The following ZNF292 variants were observed in gnomAD, a reference collection of about 807,000 sequenced individuals.
The protein encoded by ZNF292 is zinc finger protein 292, also known as 16 zinc-finger domain protein.
In ZNF292, 26 loss-of-function variants were observed where a neutral mutation model predicts 217.9. The observed-to-expected ratio is 0.12, with a 90% confidence interval of 0.09 to 0.17. ZNF292 has a LOEUF of 0.17. Ranked by LOEUF, ZNF292 falls within the 10% of genes least tolerant of loss-of-function variation. The pLI, the probability that ZNF292 is intolerant of heterozygous loss-of-function variation, is 1.00. For missense variants in ZNF292, 2,904 were observed against 3,175.2 expected (o/e 0.91, Z 2.05); for synonymous variants, 1,257 against 1,124.1 (o/e 1.12, Z -2.37).
intron 1 of ZNF292, among the ~76,000 whole-genome samples, chr6:87,167,455 A>T (rs1165362726): frequency 1.3e-5 from 2 of 152,222 alleles, no homozygotes; most frequent in African/African-American, 4.8e-5. Context: ...CACCTGACCA[A>T]CATGGTGAAA....
rs186893083 is a variant in ZNF292 at position 87,178,535 on chromosome 6, T to C, written c.168+22776T>C. Among the ~76,000 whole-genome samples the C allele has an allele frequency of 3.9e-5, 6 of 152,306 alleles. No homozygotes were observed. In the East Asian group the frequency reaches 9.6e-4, roughly 24 times the overall value. On this transcript the variant is annotated intron_variant, in intron 1 of 7. Coordinates refer to ENST00000369577, the MANE Select transcript of ZNF292 (RefSeq NM_015021.3). ...GTAGTAGTACTCTTATTAGCTTACA[T>C]TTATTAAAGTTATATGCCAGGAACT...
Position 87,258,436 on chromosome 6 carries a change from A to T in ZNF292, c.4807A>T (p.Ser1603Cys). 1.9e-6 allele frequency: 3 copies of T among 1,613,644 alleles called. No homozygotes were observed. The highest frequency in any genetic ancestry group is 2.5e-6 in the Non-Finnish European group (3 of 1,179,742). Residue 1603 changes from serine to cysteine, a missense_variant, in exon 8 of 8, where the codon AGT (serine) becomes TGT (cysteine). Transcript: ENST00000369577. Reference protein sequence around the residue: ...GGPSQNFTSNSSRVSVISGPQ... With the variant: ...GGPSQNFTSNCSRVSVISGPQ... ...GCCATCACAAAATTTTACCAGTAAC[A>T]GTTCTCGTGTTTCTGTTATAAGTGG... is the stretch of plus-strand genomic sequence containing the variant.
At chr6:87,212,477 A>G (rs952097165) in intron 1 of ZNF292, among the ~76,000 whole-genome samples, 1 of 152,142 alleles carries the variant, frequency 6.6e-6, no homozygotes, top group African/African-American at 2.4e-5. Context: ...TCTTAAAGCT[A>G]TCTAGAAGCT....
chr6:87,240,376 TGGGGGA>T (rs1774214892), intron 5 of ZNF292, among the ~76,000 whole-genome samples: 3 of 24,682 alleles, frequency 1.2e-4, no homozygotes, highest in Admixed American at 1.2e-3. Flanking sequence ...TGGCGGTGGG[TGGGGGA>T]GGGGGAGGGG....
chr6:87,220,696 G>C (rs1206921211), intron 4 of ZNF292, among the ~76,000 whole-genome samples: 2 of 152,194 alleles, frequency 1.3e-5, no homozygotes, highest in Non-Finnish European at 2.9e-5. Context: ...TAATGTGCTT[G>C]ATTTCTTTAC....
rs981636891 is a variant in ZNF292, at chr6:87,263,170, C to T, written c.*1369C>T. 1 of 151,960 alleles carries T rather than the reference C, an allele frequency of 6.6e-6. No individual in the cohort carries two copies. The highest frequency in any genetic ancestry group is 6.6e-5 in the Admixed American group (1 of 15,258). 9.4% of individuals were successfully genotyped at this position (151,960 alleles called of 1,614,324 possible). A position where few individuals can be genotyped will look rare whatever the true frequency, so the allele number is the denominator to read the frequency against. ...CCATATTTATACTGTGGATTCACAG[C>T]GAGAGGTAGAGGTTATTCCAGGAGA... On this transcript the variant is annotated 3_prime_UTR_variant, in exon 8 of 8. Transcript: ENST00000369577.
chr6:87,195,788 GA>G (rs1473392572), intron 1 of ZNF292, among the ~76,000 whole-genome samples: 1 of 152,116 alleles, frequency 6.6e-6, no homozygotes, highest in African/African-American at 2.4e-5. Context: ...AGCCCTTTGG[GA>G]GGCTGAGGCA....
Position 87,216,335 on chromosome 6 carries a change from G to C in ZNF292, c.360G>C (p.Glu120Asp), listed in dbSNP as rs1380303271. Reference protein sequence around the residue: ...CVELLLCLPVELSDKQWEQFQ... With the variant: ...CVELLLCLPVDLSDKQWEQFQ... ...AACTTTTACTGTGTCTGCCTGTTGA[G>C]TTATCAGATAAACAGTGGGAACAAT... Residue 120 changes from glutamate to aspartate, a missense_variant, in exon 3 of 8, where the codon GAG (glutamate) becomes GAC (aspartate). Glu to Asp is a conservative substitution (Grantham distance 45). Transcript: ENST00000369577. The C allele has an allele frequency of 1.9e-6, 3 of 1,586,842 alleles. No individual in the cohort carries two copies. The highest frequency in any genetic ancestry group is 2.6e-6 in the Non-Finnish European group (3 of 1,164,608).
In ZNF292 at chr6:87,257,442, A is replaced by T. The variant is rs748791270; in HGVS notation, c.3813A>T (p.Ser1271=). Residue 1271 remains serine, a synonymous_variant, in exon 8 of 8, where the codon TCA becomes TCT. Coordinates refer to ENST00000369577, the MANE Select transcript of ZNF292 (RefSeq NM_015021.3). The stretch of plus-strand genomic sequence containing the variant: ...TTCCTTTACCTGCAGAAAGTAGTTC[A>T]ATGTCTCTCTTCCCTTCACCAGCAG... The part of the protein sequence containing the change: ...PFLPLPAESS[S]MSLFPSPADS... The T allele has an allele frequency of 6.2e-7, 1 of 1,613,512 alleles. No homozygotes were observed. The highest frequency in any genetic ancestry group is 1.1e-5 in the South Asian group (1 of 90,986).
chr6:87,226,880 A>G (rs1043165596), intron 4 of ZNF292, among the ~76,000 whole-genome samples: 3 of 151,610 alleles, frequency 2.0e-5, no homozygotes, highest in African/African-American at 4.8e-5. Flanking sequence ...GGGTTTCACT[A>G]TGTTGGCCAG....
intron 1 of ZNF292, among the ~76,000 whole-genome samples, chr6:87,202,339 G>A (rs7773715): frequency 0.25 from 37,767 of 151,914 alleles, 5,459 homozygotes; most frequent in Admixed American, 0.38. Flanking sequence ...AAAAATTATA[G>A]TTTCTAACTG....
rs764959989 is a variant in ZNF292, at chr6:87,155,591, G to A, written c.-1G>A. Reference sequence around the variant, plus strand: ...CGTACGCGACGGAGCGGGGTGTGAAGATGGCGGACGAAGAGGCCGAGCAGG... The same window carrying A: ...CGTACGCGACGGAGCGGGGTGTGAAAATGGCGGACGAAGAGGCCGAGCAGG... On this transcript the variant is annotated 5_prime_UTR_variant, in exon 1 of 8. Transcript: ENST00000369577. The A allele has an allele frequency of 1.9e-6, 3 of 1,577,416 alleles. No homozygotes were observed. Among genetic ancestry groups the A allele is most frequent in the Non-Finnish European group, 2.6e-6 (3 of 1,162,570 alleles).
chr6:87,230,059 A>T (rs1468295465), intron 4 of ZNF292, among the ~76,000 whole-genome samples: 2 of 152,210 alleles, frequency 1.3e-5, no homozygotes, highest in African/African-American at 4.8e-5. Context: ...CAACTAGGTG[A>T]TAGATTGATG....
At chr6:87,166,038 G>A (rs1198340684) in intron 1 of ZNF292, among the ~76,000 whole-genome samples, 2 of 152,080 alleles carry the variant, frequency 1.3e-5, no homozygotes, top group African/African-American at 2.4e-5. Flanking sequence ...GATTACAGGC[G>A]GGAGCCCTGT....
intron 1 of ZNF292, among the ~76,000 whole-genome samples, chr6:87,165,273 T>C (rs911886319): frequency 6.6e-6 from 1 of 152,166 alleles, no homozygotes; most frequent in African/African-American, 2.4e-5. Context: ...CTTGTAACAG[T>C]GTTTCTCAGA....
intron 1 of ZNF292, among the ~76,000 whole-genome samples, chr6:87,211,567 T>G (rs1772486924): frequency 6.6e-6 from 1 of 152,198 alleles, no homozygotes; most frequent in Non-Finnish European, 1.5e-5. Flanking sequence ...GTTAGTTAAT[T>G]TTTAATATAA....
intron 1 of ZNF292, among the ~76,000 whole-genome samples, chr6:87,191,467 A>G (rs1460641585): frequency 6.6e-6 from 1 of 152,168 alleles, no homozygotes; most frequent in Non-Finnish European, 1.5e-5. Flanking sequence ...CCTTATATTA[A>G]TATCAGTGTC....
Position 87,261,588 on chromosome 6 carries a change from G to A in ZNF292, c.7959G>A (p.Gln2653=). The A allele has an allele frequency of 6.2e-7, 1 of 1,611,132 alleles. No homozygotes were observed. Among genetic ancestry groups the A allele is most frequent in the Non-Finnish European group, 8.5e-7 (1 of 1,178,342 alleles). Residue 2653 remains glutamine, a synonymous_variant, in exon 8 of 8, where the codon CAG becomes CAA. Transcript: ENST00000369577. ...CPCKESETFV[Q]FANPSQLQCS... is the part of the protein sequence containing the mutation. Reference sequence around the variant, plus strand: ...GTAAAGAAAGCGAAACGTTTGTACAGTTTGCCAATCCATCACAGCTTCAGT... The same window carrying A: ...GTAAAGAAAGCGAAACGTTTGTACAATTTGCCAATCCATCACAGCTTCAGT...
intron 1 of ZNF292, among the ~76,000 whole-genome samples, chr6:87,175,303 T>TC (rs1771247356): frequency 6.6e-6 from 1 of 152,194 alleles, no homozygotes; most frequent in Non-Finnish European, 1.5e-5. Context: ...CATTACTTTT[T>TC]CATTGCAGTT....
Sources: gnomAD v4.1 joint callset for allele counts (sites outside exome capture counted in the v4.1 genomes callset) on GRCh38, gnomAD v4.1.1 for gene constraint, MANE v1.5 for transcripts, NCBI Gene and HGNC (gene_info 2026-07-23, HGNC 2026-07-21) for gene names.